Variants in HEMK2 observed in about 807,000 individuals in gnomAD.
The protein encoded by HEMK2 is methyltransferase HEMK2.
At chr21:28,657,791 C>A in the HEMK2 span, among the ~76,000 whole-genome samples, 1 of 151,976 alleles carries the variant, frequency 6.6e-6, no homozygotes, top group African/African-American at 2.4e-5. Context: ...CTTAGCACAA[C>A]AATGATCTTT....
chr21:28,618,470 T>C, the HEMK2 span, among the ~76,000 whole-genome samples: 7 of 152,182 alleles, frequency 4.6e-5, no homozygotes, highest in African/African-American at 1.4e-4. Context: ...CTACTATAAA[T>C]AAAAGATTTG....
the HEMK2 span, among the ~76,000 whole-genome samples, chr21:28,783,982 C>G: frequency 6.6e-6 from 1 of 152,240 alleles, no homozygotes; most frequent in African/African-American, 2.4e-5. Flanking sequence ...CGGGCCTCAG[C>G]TGCCTCCCTG....
the HEMK2 span, among the ~76,000 whole-genome samples, chr21:28,830,162 G>A: frequency 1.4e-3 from 220 of 152,146 alleles, 1 homozygote; most frequent in African/African-American, 4.9e-3. Flanking sequence ...AGACACTTAC[G>A]GCAGAAAATA....
the HEMK2 span, among the ~76,000 whole-genome samples, chr21:28,832,862 C>T: frequency 1.3e-5 from 2 of 152,208 alleles, no homozygotes; most frequent in Admixed American, 6.5e-5. Context: ...AATTCAGATT[C>T]AGCTAATATT....
the HEMK2 span, among the ~76,000 whole-genome samples, chr21:28,737,902 C>G: frequency 1.3e-5 from 2 of 152,146 alleles, no homozygotes; most frequent in Non-Finnish European, 2.9e-5. Context: ...GAGAGGATGA[C>G]CTACGAAGTA....
chr21:28,745,204 CT>C, the HEMK2 span, among the ~76,000 whole-genome samples: 1 of 152,136 alleles, frequency 6.6e-6, no homozygotes, highest in Non-Finnish European at 1.5e-5. Context: ...AAGATGGAAG[CT>C]TGTGGTGTAA....
chr21:28,735,897 G>A, the HEMK2 span, among the ~76,000 whole-genome samples: 2 of 152,238 alleles, frequency 1.3e-5, no homozygotes, highest in Non-Finnish European at 2.9e-5. Flanking sequence ...AAGGCAAGGA[G>A]ATTACACAAG....
the HEMK2 span, among the ~76,000 whole-genome samples, chr21:28,582,114 AT>A: frequency 6.6e-6 from 1 of 152,206 alleles, no homozygotes; most frequent in Non-Finnish European, 1.5e-5. Flanking sequence ...ACCAGTTGGG[AT>A]TAGTTTATTG....
the HEMK2 span, among the ~76,000 whole-genome samples, chr21:28,615,602 A>G: frequency 6.6e-6 from 1 of 152,170 alleles, no homozygotes. Context: ...AATAAAAATA[A>G]AAAGTGTAGA....
the HEMK2 span, chr21:28,876,160 T>C: frequency 3.0e-6 from 1 of 333,982 alleles, no homozygotes; most frequent in Non-Finnish European, 5.3e-6. Flanking sequence ...AAATATTTCA[T>C]ACATAATTTT....
At chr21:28,813,841 T>C in the HEMK2 span, among the ~76,000 whole-genome samples, 3 of 152,202 alleles carry the variant, frequency 2.0e-5, no homozygotes, top group Non-Finnish European at 2.9e-5. Flanking sequence ...ATTCCCTATT[T>C]AACAAAGGGT....
the HEMK2 span, among the ~76,000 whole-genome samples, chr21:28,588,840 G>A: frequency 9.9e-5 from 15 of 151,880 alleles, no homozygotes; most frequent in African/African-American, 2.7e-4. Context: ...AAAATTAGCC[G>A]GGCGTTGTGG....
chr21:28,830,214 T>A, the HEMK2 span, among the ~76,000 whole-genome samples: 1 of 152,216 alleles, frequency 6.6e-6, no homozygotes, highest in African/African-American at 2.4e-5. Context: ...AAATCTCATG[T>A]CAAACTGTAA....
the HEMK2 span, among the ~76,000 whole-genome samples, chr21:28,825,011 A>C: frequency 6.6e-6 from 1 of 152,196 alleles, no homozygotes; most frequent in Non-Finnish European, 1.5e-5. Context: ...AGCAGTGGAA[A>C]TAAACACTGC....
the HEMK2 span, among the ~76,000 whole-genome samples, chr21:28,675,753 C>T: frequency 6.6e-6 from 1 of 152,204 alleles, no homozygotes; most frequent in Admixed American, 6.5e-5. Flanking sequence ...ACTCATCTTA[C>T]TAATAATTCC....
At chr21:28,734,224 A>G in the HEMK2 span, among the ~76,000 whole-genome samples, 162 of 152,318 alleles carry the variant, frequency 1.1e-3, no homozygotes, top group African/African-American at 3.7e-3. Context: ...AAGTTTGCAA[A>G]CAGGCTGAGT....
chr21:28,741,667 T>C, the HEMK2 span, among the ~76,000 whole-genome samples: 1 of 152,206 alleles, frequency 6.6e-6, no homozygotes, highest in Non-Finnish European at 1.5e-5. Flanking sequence ...TTTCTGTTCC[T>C]GTGTTAGTTT....
the HEMK2 span, among the ~76,000 whole-genome samples, chr21:28,819,803 C>G: frequency 4.2e-3 from 636 of 152,164 alleles, 3 homozygotes; most frequent in African/African-American, 0.014. Context: ...CCACCTCGGC[C>G]TCCCAAAGTG....
chr21:28,722,609 C>T, the HEMK2 span, among the ~76,000 whole-genome samples: 2 of 152,224 alleles, frequency 1.3e-5, no homozygotes, highest in South Asian at 2.1e-4. Context: ...AGGCCGGGCA[C>T]GGTGGCTCAC....
Sources: gnomAD v4.1 joint callset for allele counts (sites outside exome capture counted in the v4.1 genomes callset) on GRCh38, gnomAD v4.1.1 for gene constraint, MANE v1.5 for transcripts, NCBI Gene and HGNC (gene_info 2026-07-23, HGNC 2026-07-21) for gene names.